The following P2RY8 variants were observed in gnomAD, a reference collection of about 807,000 sequenced individuals.
P2RY8 encodes S-geranylgeranyl-glutathione receptor P2RY8.
In P2RY8, 6 loss-of-function variants were observed where a neutral mutation model predicts 10.0. That is an observed-to-expected ratio of 0.60 (90% CI 0.33 to 1.19). The LOEUF is 1.19. P2RY8 is among the 50% of genes most tolerant of loss of function. P2RY8 has a pLI of 0.04. For missense variants in P2RY8, 456 were observed against 542.0 expected (o/e 0.84, Z 1.58); for synonymous variants, 276 against 252.5 (o/e 1.09, Z -0.88).
chrX:1,524,582 C>CATCCATCCATTCATCCATCT (rs1569538701), intron 1 of P2RY8, among the ~76,000 whole-genome samples: 2 of 145,278 alleles, frequency 1.4e-5, no homozygotes, highest in Admixed American at 6.9e-5. Context: ...TCCATCCATC[C>CATCCATCCATTCATCCATCT]ATCCATCCAT....
chrX:1,481,704 C>T (rs73628514), intron 1 of P2RY8, among the ~76,000 whole-genome samples: 7,964 of 151,870 alleles, frequency 0.052, 677 homozygotes, highest in African/African-American at 0.18. Context: ...TTTGTAGACC[C>T]AGTGACCCCT....
At chrX:1,529,017 G>A (rs1464234449) in intron 1 of P2RY8, among the ~76,000 whole-genome samples, 1 of 152,154 alleles carries the variant, frequency 6.6e-6, no homozygotes, top group Non-Finnish European at 1.5e-5. Context: ...CATTGATCCA[G>A]TTTTGCAAGT....
At chrX:1,482,571 T>C (rs1222101944) in intron 1 of P2RY8, among the ~76,000 whole-genome samples, 3 of 152,192 alleles carry the variant, frequency 2.0e-5, no homozygotes, top group African/African-American at 4.8e-5. Context: ...TCCTGAATGG[T>C]AGTGCCTAGG....
chrX:1,534,170 CAT>C (rs2092506921), intron 1 of P2RY8, among the ~76,000 whole-genome samples: 1 of 131,066 alleles, frequency 7.6e-6, no homozygotes, highest in Admixed American at 8.4e-5. Flanking sequence ...AATATATTTA[CAT>C]ATATTATATA....
At chrX:1,506,418 C>T (rs1352771997) in intron 1 of P2RY8, among the ~76,000 whole-genome samples, 5 of 152,174 alleles carry the variant, frequency 3.3e-5, no homozygotes, top group African/African-American at 1.2e-4. Flanking sequence ...GTGTGGCCCA[C>T]CAGGCTATAG....
intron 1 of P2RY8, among the ~76,000 whole-genome samples, chrX:1,470,991 C>A (rs2091777428): frequency 6.6e-6 from 1 of 151,214 alleles, no homozygotes; most frequent in South Asian, 2.1e-4. Context: ...AACCTGCCAC[C>A]ACGCCTGGCT....
chrX:1,529,597 A>C (rs2092459832), intron 1 of P2RY8, among the ~76,000 whole-genome samples: 1 of 152,090 alleles, frequency 6.6e-6, no homozygotes, highest in African/African-American at 2.4e-5. Context: ...CTCCAGCCCT[A>C]CATGGCAGCA....
intron 1 of P2RY8, among the ~76,000 whole-genome samples, chrX:1,492,299 A>G (rs1198474473): frequency 6.6e-6 from 1 of 152,120 alleles, no homozygotes; most frequent in Non-Finnish European, 1.5e-5. Flanking sequence ...GTTCATAAAA[A>G]TTATCTCAAG....
intron 1 of P2RY8, among the ~76,000 whole-genome samples, chrX:1,533,499 T>G (rs1275386779): frequency 1.4e-5 from 2 of 140,414 alleles, no homozygotes; most frequent in East Asian, 4.1e-4. Flanking sequence ...ACTTATATAT[T>G]TATTATTTAA....
intron 1 of P2RY8, among the ~76,000 whole-genome samples, chrX:1,504,326 A>AAAG (rs755844883): frequency 2.0e-4 from 30 of 151,446 alleles, no homozygotes; most frequent in African/African-American, 6.5e-4. Flanking sequence ...AAAAAAAAAA[A>AAAG]AAGATTTGGG....
rs1258159894 is a variant in P2RY8, at chrX:1,465,886, C to T, written c.673G>A (p.Glu225Lys). ...ATILKLLRTE[E>K]AHGREQRRRA... is the part of the protein sequence containing the mutation. Reference sequence around the variant, plus strand: ...CTCCGCTGCTCCCGGCCGTGCGCCTCCTCCGTGCGCAACAGCTTGAGGATG... The same window carrying T: ...CTCCGCTGCTCCCGGCCGTGCGCCTTCTCCGTGCGCAACAGCTTGAGGATG... Residue 225 changes from glutamate to lysine, a missense_variant, in exon 2 of 2, where the codon GAG becomes AAG. Coordinates refer to ENST00000381297, the MANE Select transcript of P2RY8 (RefSeq NM_178129.5). 5.6e-5 allele frequency: 91 copies of T among 1,612,384 alleles called. 1 individual carries two copies. The highest frequency in any genetic ancestry group is 7.4e-5 in the Non-Finnish European group (87 of 1,179,718).
At chrX:1,473,741 T>C (rs1603455518) in intron 1 of P2RY8, among the ~76,000 whole-genome samples, 4 of 136,756 alleles carry the variant, frequency 2.9e-5, no homozygotes, top group South Asian at 2.3e-4. Context: ...GGTGGGTGGA[T>C]GGATGATGAA....
intron 1 of P2RY8, among the ~76,000 whole-genome samples, chrX:1,514,130 G>T (rs1223856664): frequency 2.0e-5 from 3 of 152,064 alleles, no homozygotes; most frequent in African/African-American, 7.2e-5. Context: ...TGAGGTTCTT[G>T]TGTCCTGAAA....
intron 1 of P2RY8, among the ~76,000 whole-genome samples, chrX:1,531,417 G>A (rs1411425467): frequency 1.3e-5 from 2 of 152,086 alleles, no homozygotes; most frequent in Non-Finnish European, 2.9e-5. Flanking sequence ...GGGTCCCCCT[G>A]CTTACAGGGT....
At chrX:1,524,520 T>A (rs868790742) in intron 1 of P2RY8, among the ~76,000 whole-genome samples, 2 of 143,264 alleles carry the variant, frequency 1.4e-5, no homozygotes, top group African/African-American at 5.3e-5. Flanking sequence ...CATCCATCCA[T>A]CCATCCATTC....
At chrX:1,523,637 C>A (rs1322724118) in intron 1 of P2RY8, among the ~76,000 whole-genome samples, 6 of 152,048 alleles carry the variant, frequency 3.9e-5, no homozygotes, top group Non-Finnish European at 8.8e-5. Context: ...ACACTCTGAA[C>A]GAGCTAAATA....
intron 1 of P2RY8, among the ~76,000 whole-genome samples, chrX:1,493,419 AGGAAGGAGGAGGGAG>A (rs1569537375): frequency 0.026 from 258 of 9,884 alleles, 2 homozygotes; most frequent in Middle Eastern, 0.056. Flanking sequence ...AGGAGGAAGG[AGGAAGGAGGAGGGAG>A]GGAAGGAGGA....
In P2RY8 at chrX:1,528,755, T is replaced by A. The variant is rs192138959; in HGVS notation, c.-25+8166A>T. Reference sequence around the variant, plus strand: ...ATTCGTGTAGGTTTGAGTCTCTGAATGAGTGGACTTGAGTCTGTTTGAATG... The same window carrying A: ...ATTCGTGTAGGTTTGAGTCTCTGAAAGAGTGGACTTGAGTCTGTTTGAATG... On this transcript the variant is annotated intron_variant, in intron 1 of 1. Transcript: ENST00000381297. 3.3e-3 allele frequency among the ~76,000 whole-genome samples: 493 copies of A among 150,610 alleles called. 3 individuals are homozygous for A. The highest frequency in any genetic ancestry group is 0.011 in the African/African-American group (455 of 40,336).
At chrX:1,480,383 C>A (rs5948907) in intron 1 of P2RY8, among the ~76,000 whole-genome samples, 1 of 147,138 alleles carries the variant, frequency 6.8e-6, no homozygotes. Context: ...CTGCAGCTTG[C>A]GCTTCCCGGG....
Sources: gnomAD v4.1 joint callset for allele counts (sites outside exome capture counted in the v4.1 genomes callset) on GRCh38, gnomAD v4.1.1 for gene constraint, MANE v1.5 for transcripts, NCBI Gene and HGNC (gene_info 2026-07-23, HGNC 2026-07-21) for gene names.